The following DRC10 variants were observed in gnomAD, a reference collection of about 807,000 sequenced individuals.
DRC10 encodes dynein regulatory complex subunit 10.
chr12:113,207,169 G>A, the DRC10 span: 5 of 467,234 alleles, frequency 1.1e-5, no homozygotes, highest in East Asian at 1.8e-4. Context: ...CCAACATGGC[G>A]AAAACCTGTC....
At chr12:113,203,175 A>G in the DRC10 span, 1 of 352,348 alleles carries the variant, frequency 2.8e-6, no homozygotes, top group Non-Finnish European at 5.7e-6. Flanking sequence ...ACAGGTGCAT[A>G]CCACCACGCC....
chr12:113,200,834 G>A, the DRC10 span: 6 of 1,503,598 alleles, frequency 4.0e-6, no homozygotes, highest in East Asian at 1.5e-4. Context: ...AAGAGAAAGG[G>A]CTCCGTTAAT....
chr12:113,208,270 A>G, the DRC10 span: 1 of 1,475,322 alleles, frequency 6.8e-7, no homozygotes, highest in Non-Finnish European at 8.9e-7. Context: ...CTGCAAAATG[A>G]AGAAGTAGGT....
the DRC10 span, among the ~76,000 whole-genome samples, chr12:113,217,173 A>C: frequency 6.6e-6 from 1 of 151,920 alleles, no homozygotes; most frequent in Non-Finnish European, 1.5e-5. Context: ...TCAGAAACCA[A>C]CCCCCCAGGA....
the DRC10 span, among the ~76,000 whole-genome samples, chr12:113,220,340 A>C: frequency 3.3e-5 from 5 of 152,006 alleles, no homozygotes; most frequent in African/African-American, 1.2e-4. Context: ...ACTGCAACCT[A>C]AGTCTCCCGG....
the DRC10 span, among the ~76,000 whole-genome samples, chr12:113,203,319 C>T: frequency 2.7e-4 from 41 of 152,256 alleles, no homozygotes; most frequent in East Asian, 2.7e-3. Context: ...GCCACCACAC[C>T]GCCATTTCCC....
chr12:113,207,684 G>T, the DRC10 span: 1 of 1,614,150 alleles, frequency 6.2e-7, no homozygotes, highest in Non-Finnish European at 8.5e-7. Flanking sequence ...CCTGGGGGTT[G>T]CTGAGCAAGA....
At chr12:113,209,854 G>A in the DRC10 span, among the ~76,000 whole-genome samples, 2 of 152,218 alleles carry the variant, frequency 1.3e-5, no homozygotes, top group Admixed American at 1.3e-4. Flanking sequence ...GGCCAGGCAT[G>A]GTAGCTCACA....
the DRC10 span, among the ~76,000 whole-genome samples, chr12:113,211,152 G>A: frequency 2.6e-5 from 4 of 152,168 alleles, no homozygotes; most frequent in Non-Finnish European, 5.9e-5. Context: ...CACGATCATG[G>A]CTCACTGCAA....
At chr12:113,199,489 G>A in the DRC10 span, among the ~76,000 whole-genome samples, 12 of 152,172 alleles carry the variant, frequency 7.9e-5, no homozygotes, top group Admixed American at 3.3e-4. Context: ...CCGGCTTCAG[G>A]GGGACTGGGC....
chr12:113,213,591 C>T, the DRC10 span, among the ~76,000 whole-genome samples: 1 of 152,166 alleles, frequency 6.6e-6, no homozygotes, highest in Non-Finnish European at 1.5e-5. Flanking sequence ...TTAGATGATT[C>T]TAGTTAGTTT....
chr12:113,215,117 A>G, the DRC10 span, among the ~76,000 whole-genome samples: 3 of 152,234 alleles, frequency 2.0e-5, no homozygotes, highest in African/African-American at 7.2e-5. Context: ...GTTATGATGA[A>G]ATACTTTCCA....
chr12:113,203,690 G>T, the DRC10 span, among the ~76,000 whole-genome samples: 2 of 151,588 alleles, frequency 1.3e-5, no homozygotes, highest in Non-Finnish European at 1.5e-5. Flanking sequence ...TGGTCAGGCT[G>T]GTCTCGAACT....
the DRC10 span, among the ~76,000 whole-genome samples, chr12:113,204,331 C>T: frequency 6.6e-6 from 1 of 152,248 alleles, no homozygotes; most frequent in Non-Finnish European, 1.5e-5. Flanking sequence ...CCATCTTTGT[C>T]CCTTCCCTCT....
chr12:113,216,710 C>T, the DRC10 span, among the ~76,000 whole-genome samples: 1 of 152,150 alleles, frequency 6.6e-6, no homozygotes, highest in Non-Finnish European at 1.5e-5. Flanking sequence ...AAAATAAAAT[C>T]TTAAGGTTGT....
the DRC10 span, chr12:113,208,433 A>G: frequency 3.3e-5 from 37 of 1,113,046 alleles, 1 homozygote; most frequent in Non-Finnish European, 4.1e-5. Flanking sequence ...TAGGGCCACA[A>G]GGGCAGGAAG....
chr12:113,220,332 T>C, the DRC10 span, among the ~76,000 whole-genome samples: 1 of 152,218 alleles, frequency 6.6e-6, no homozygotes, highest in South Asian at 2.1e-4. Context: ...CTTGGCTTAC[T>C]GCAACCTAAG....
At chr12:113,220,077 G>A in the DRC10 span, among the ~76,000 whole-genome samples, 1 of 152,066 alleles carries the variant, frequency 6.6e-6, no homozygotes, top group Admixed American at 6.6e-5. Flanking sequence ...TGCTGGCCTC[G>A]GCCTCCCAAA....
At chr12:113,207,955 TACG>T in the DRC10 span, 91 of 1,614,070 alleles carry the variant, frequency 5.6e-5, no homozygotes, top group Non-Finnish European at 7.5e-5. Context: ...GGATGCCACA[TACG>T]ACAGCAAGGT....
Sources: allele counts gnomAD v4.1 joint callset (sites outside exome capture counted in the v4.1 genomes callset), GRCh38; gene constraint gnomAD v4.1.1; transcripts MANE v1.5; gene names NCBI Gene and HGNC (gene_info 2026-07-23, HGNC 2026-07-21).